Variants in CPA6 observed in about 807,000 individuals in gnomAD.
The protein encoded by CPA6 is carboxypeptidase B.
CPA6 carries 58 observed loss-of-function variants against 63.3 expected under a neutral mutation model. The observed-to-expected ratio is 0.92, with a 90% CI of 0.74 to 1.14. The LOEUF (loss-of-function observed/expected upper bound fraction) is 1.14. Ranked by LOEUF, CPA6 falls within the 50% of genes most tolerant of loss-of-function variation. The pLI, the probability that CPA6 is intolerant of heterozygous loss-of-function variation, is 0.00. For missense variants in CPA6, 565 were observed against 526.6 expected, an observed-to-expected ratio of 1.07 and a Z score of -0.71; for synonymous variants, 185 against 179.0, an observed-to-expected ratio of 1.03 and a Z score of -0.27.
At chr8:67,569,141 A>G (rs1261003996) in intron 2 of CPA6, among the ~76,000 whole-genome samples, 2 of 152,216 alleles carry the variant, frequency 1.3e-5, no homozygotes, top group Admixed American at 1.3e-4. Flanking sequence ...AAAAGTCCCA[A>G]TTAAATTCAA....
At chr8:67,450,920 C>A (rs578073310) in intron 8 of CPA6, among the ~76,000 whole-genome samples, 1 of 152,266 alleles carries the variant, frequency 6.6e-6, no homozygotes, top group South Asian at 2.1e-4. Flanking sequence ...CTGTGTTTGG[C>A]GGCAGAAGGC....
intron 2 of CPA6, among the ~76,000 whole-genome samples, chr8:67,584,391 A>G (rs893230606): frequency 3.9e-5 from 6 of 152,206 alleles, no homozygotes; most frequent in African/African-American, 1.4e-4. Flanking sequence ...CCCTAAACAT[A>G]TAAATAATAT....
chr8:67,662,065 T>TC lies in CPA6; in HGVS notation c.117-37815dup, dbSNP rs539107907. ...CCTTCATCCATTCACCACCACCCCC[T>TC]CCTAAGACCATGATTTTGGTGCAGG... On this transcript the variant is annotated intron_variant, in intron 1 of 10. Coordinates refer to ENST00000297770, the MANE Select transcript of CPA6 (RefSeq NM_020361.5). Among the ~76,000 whole-genome samples, 63 of 152,118 alleles carry TC rather than the reference T, an allele frequency of 4.1e-4. 1 individual carries two copies. Among genetic ancestry groups the TC allele is most frequent in the South Asian group, 4.0e-3 (19 of 4,808 alleles).
chr8:67,474,561 C>G (rs781668828), intron 8 of CPA6, among the ~76,000 whole-genome samples: 2 of 152,100 alleles, frequency 1.3e-5, no homozygotes, highest in Non-Finnish European at 2.9e-5. Context: ...CAGGAAGGCA[C>G]TTAGAAAGAG....
chr8:67,600,645 A>G (rs1814472428), intron 2 of CPA6, among the ~76,000 whole-genome samples: 1 of 152,180 alleles, frequency 6.6e-6, no homozygotes, highest in South Asian at 2.1e-4. Context: ...AATTTTTAAA[A>G]AGAGCCATTT....
intron 2 of CPA6, among the ~76,000 whole-genome samples, chr8:67,549,417 C>T (rs546912042): frequency 3.2e-4 from 48 of 152,278 alleles, no homozygotes; most frequent in Admixed American, 2.6e-3. Context: ...AAACCATCAC[C>T]ACAATCTATG....
chr8:67,482,937 G>A (rs1798537711), intron 8 of CPA6, among the ~76,000 whole-genome samples: 1 of 152,206 alleles, frequency 6.6e-6, no homozygotes, highest in South Asian at 2.1e-4. Context: ...TATTCTAGCT[G>A]ATGCTAGTGG....
chr8:67,468,861 C>T (rs1216221339), intron 8 of CPA6, among the ~76,000 whole-genome samples: 1 of 152,164 alleles, frequency 6.6e-6, no homozygotes, highest in East Asian at 1.9e-4. Flanking sequence ...GGGCCTCTTG[C>T]TGTCCTCACC....
In CPA6 at chr8:67,647,843, A is replaced by C. The variant is rs925930586; in HGVS notation, c.117-23592T>G. On this transcript the variant is annotated intron_variant, in intron 1 of 10. Transcript: ENST00000297770. Reference sequence around the variant, plus strand: ...CCAACAGAGTATGTTCCAGGCCATTATATGTTCTTCAAGCCCACTGAATCC... The same window carrying C: ...CCAACAGAGTATGTTCCAGGCCATTCTATGTTCTTCAAGCCCACTGAATCC... 2.0e-5 allele frequency among the ~76,000 whole-genome samples: 3 copies of C among 152,142 alleles called. No individual in the cohort carries two copies. In the East Asian group the frequency reaches 5.8e-4, roughly 29 times the overall value.
intron 1 of CPA6, among the ~76,000 whole-genome samples, chr8:67,653,185 G>C (rs1815890112): frequency 6.6e-6 from 1 of 151,000 alleles, no homozygotes; most frequent in Non-Finnish European, 1.5e-5. Context: ...GATGCCTCCA[G>C]CTTTGTTCTT....
chr8:67,628,706 AATG>A (rs1274299446), intron 1 of CPA6, among the ~76,000 whole-genome samples: 2 of 152,258 alleles, frequency 1.3e-5, no homozygotes, highest in African/African-American at 2.4e-5. Flanking sequence ...GATTAACATC[AATG>A]ATAAGTTCTT....
chr8:67,597,520 T>A lies in CPA6; in HGVS notation c.192+26656A>T, dbSNP rs557101086. Among the ~76,000 whole-genome samples, 237 of 152,294 alleles carry A rather than the reference T, an allele frequency of 1.6e-3. 3 individuals are homozygous for A. The highest frequency in any genetic ancestry group is 2.4e-4 in the Non-Finnish European group (16 of 68,012). On this transcript the variant is annotated intron_variant, in intron 2 of 10. Transcript: ENST00000297770. ...CTCTGTGTCTTTTATCTTGCATTTT[T>A]AATTTTTATTTTTCAGTTTATTTAT...
intron 1 of CPA6, 121 bp from the exon 2 acceptor site, chr8:67,624,372 C>T: frequency 1.8e-6 from 1 of 545,348 alleles, no homozygotes; most frequent in African/African-American, 1.9e-5. Context: ...AAACTTTTCA[C>T]TGGCCCAGTA....
chr8:67,549,639 C>T (rs577930106), intron 2 of CPA6, among the ~76,000 whole-genome samples: 1 of 152,228 alleles, frequency 6.6e-6, no homozygotes, highest in African/African-American at 2.4e-5. Context: ...ATCTCCATTT[C>T]CCCCCATCTC....
chr8:67,463,688 C>T (rs1415145405), intron 8 of CPA6, among the ~76,000 whole-genome samples: 1 of 152,116 alleles, frequency 6.6e-6, no homozygotes, highest in Admixed American at 6.5e-5. Context: ...CCTCCCACCT[C>T]TAGTTGTTTC....
At chr8:67,509,642 A>G in intron 4 of CPA6, 24 bp from the exon 5 acceptor site, 1 of 1,163,736 alleles carries the variant, frequency 8.6e-7, no homozygotes, top group Non-Finnish European at 1.3e-6. Context: ...AATAAAAACT[A>G]TGTTAGACTC....
chr8:67,661,354 C>T (rs1034393862), intron 1 of CPA6, among the ~76,000 whole-genome samples: 2 of 152,014 alleles, frequency 1.3e-5, no homozygotes, highest in African/African-American at 2.4e-5. Flanking sequence ...GGTACAGAGG[C>T]GGGAGGGAGG....
Position 67,445,952 on chromosome 8 carries a change from T to C in CPA6, c.839-11712A>G, listed in dbSNP as rs1810401682. On this transcript the variant is annotated intron_variant, in intron 8 of 10. Transcript: ENST00000297770. ...GATGGTTAAAAACAAAGGAAAAAGA[T>C]AAAATGAAGTAAAGATTAATAGTCA... Among the ~76,000 whole-genome samples the C allele has an allele frequency of 3.3e-5, 5 of 152,170 alleles. No individual in the cohort carries two copies. The South Asian group carries it at 1.0e-3, about 31-fold the overall frequency.
At chr8:67,478,090 C>T (rs999954158) in intron 8 of CPA6, among the ~76,000 whole-genome samples, 13 of 152,122 alleles carry the variant, frequency 8.5e-5, no homozygotes, top group Admixed American at 3.9e-4. Flanking sequence ...AGTGCCACCT[C>T]CCCAACCTCT....
Sources: allele counts gnomAD v4.1 joint callset (sites outside exome capture counted in the v4.1 genomes callset), GRCh38; gene constraint gnomAD v4.1.1; transcripts MANE v1.5; gene names NCBI Gene and HGNC (gene_info 2026-07-23, HGNC 2026-07-21).